SEC14L2: variants seen among roughly 807,000 people sequenced by gnomAD.
SEC14L2 encodes SEC14-like protein 2.
A neutral mutation model predicts 56.9 loss-of-function variants in SEC14L2; 50 were observed. That is an observed-to-expected ratio of 0.88 (90% CI 0.70 to 1.11). SEC14L2 has a LOEUF of 1.11. Ranked by LOEUF, SEC14L2 falls within the 50% of genes most tolerant of loss-of-function variation. SEC14L2 has a pLI of 0.00. For missense variants in SEC14L2, 414 were observed against 500.7 expected, an observed-to-expected ratio of 0.83 and a Z score of 1.65; for synonymous variants, 179 against 188.5, an observed-to-expected ratio of 0.95 and a Z score of 0.41.
intron 8 of SEC14L2, 31 bp from the exon 9 acceptor site, chr22:30,415,728 C>T: frequency 6.3e-7 from 1 of 1,590,324 alleles, no homozygotes; most frequent in Non-Finnish European, 8.6e-7. Flanking sequence ...TGTTGAGATA[C>T]ATCTTTATCC....
intron 8 of SEC14L2, among the ~76,000 whole-genome samples, chr22:30,415,372 G>A (rs565889586): frequency 6.6e-6 from 1 of 152,302 alleles, no homozygotes; most frequent in Admixed American, 6.5e-5. Flanking sequence ...GGCGGAGGTT[G>A]CAGTGATCCA....
At chr22:30,398,823 G>A in intron 1 of SEC14L2, 1 of 469,688 alleles carries the variant, frequency 2.1e-6, no homozygotes, top group South Asian at 1.6e-5. Flanking sequence ...ACCCGGGTTT[G>A]CATCCCAACT....
Position 30,416,029 on chromosome 22 carries a change from T to C in SEC14L2, c.853T>C (p.Ser285Pro). The C allele has an allele frequency of 6.2e-7, 1 of 1,614,230 alleles. No individual in the cohort carries two copies. Among genetic ancestry groups the C allele is most frequent in the Non-Finnish European group, 8.5e-7 (1 of 1,180,044 alleles). Residue 285 changes from serine (S) to proline (P), a missense_variant, in exon 10 of 12, where the codon TCC becomes CCC. By Grantham distance (74) the Ser-to-Pro change is moderately conservative. Coordinates refer to ENST00000615189, the MANE Select transcript of SEC14L2 (RefSeq NM_012429.5). Reference sequence around the variant, plus strand: ...GCAGTATGAACACAGCGTGCAGATTTCCCGTGGCTCCTCCCACCAAGTGGA... The same window carrying C: ...GCAGTATGAACACAGCGTGCAGATTCCCCGTGGCTCCTCCCACCAAGTGGA... ...KQQYEHSVQISRGSSHQVEYE... is the reference protein window; with the variant it reads ...KQQYEHSVQIPRGSSHQVEYE...
chr22:30,407,218 G>T, intron 4 of SEC14L2, 64 bp downstream of exon 4: 1 of 1,568,748 alleles, frequency 6.4e-7, no homozygotes. Context: ...CCTGGGTCCT[G>T]GATCCACTGG....
At chr22:30,414,263 T>C (rs1417708384) in intron 8 of SEC14L2, among the ~76,000 whole-genome samples, 1 of 152,178 alleles carries the variant, frequency 6.6e-6, no homozygotes, top group Non-Finnish European at 1.5e-5. Context: ...ATGATTTTTG[T>C]TTTTTCTGCT....
chr22:30,421,375 C>G (rs966753204), intron 11 of SEC14L2: 2 of 152,230 alleles, frequency 1.3e-5, no homozygotes, highest in Non-Finnish European at 2.9e-5. Context: ...TATGTAGTTA[C>G]AAAAAAGTTA....
chr22:30,412,188 A>C (rs1239028806), intron 8 of SEC14L2, among the ~76,000 whole-genome samples: 1 of 152,114 alleles, frequency 6.6e-6, no homozygotes, highest in Non-Finnish European at 1.5e-5. Context: ...GAGTACCACA[A>C]ATTTTAAACC....
intron 11 of SEC14L2, among the ~76,000 whole-genome samples, chr22:30,417,897 A>C (rs1386655199): frequency 2.0e-5 from 3 of 151,688 alleles, no homozygotes; most frequent in Admixed American, 6.6e-5. Context: ...CCCCCTCCTC[A>C]CAGATGCTCT....
At chr22:30,420,947 T>C (rs972877569) in intron 11 of SEC14L2, 1 of 152,200 alleles carries the variant, frequency 6.6e-6, no homozygotes, top group African/African-American at 2.4e-5. Flanking sequence ...GCATGCCCAT[T>C]TTCTCTTTCC....
At chr22:30,404,015 AAAAAAAAAAAAAAAG>A (rs1343325155) in intron 2 of SEC14L2, among the ~76,000 whole-genome samples, 16 of 133,434 alleles carry the variant, frequency 1.2e-4, no homozygotes, top group Admixed American at 2.3e-4. Context: ...GTCTCAAAAA[AAAAAAAAAAAAAAAG>A]AAAAAAAAAA....
At chr22:30,409,589 G>C in intron 7 of SEC14L2, 103 bp downstream of exon 7, 1 of 1,109,492 alleles carries the variant, frequency 9.0e-7, no homozygotes, top group Non-Finnish European at 1.4e-6. Flanking sequence ...GAGGGGGTCT[G>C]AGGACATGTT....
chr22:30,404,996 G>C (rs973648078), intron 2 of SEC14L2, among the ~76,000 whole-genome samples: 6 of 152,016 alleles, frequency 3.9e-5, no homozygotes, highest in South Asian at 4.2e-4. Context: ...CTTGAACCCG[G>C]GAGGCAGAGG....
chr22:30,409,013 G>C, intron 5 of SEC14L2, 174 bp from the exon 6 acceptor site: 1 of 707,796 alleles, frequency 1.4e-6, no homozygotes, highest in Non-Finnish European at 2.6e-6. Flanking sequence ...AGAGTGACTC[G>C]CCTAGACCAC....
Position 30,397,159 on chromosome 22 carries a change from G to T in SEC14L2, c.43G>T (p.Ala15Ser). Residue 15 changes from alanine (A) to serine (S), a missense_variant, in exon 1 of 12, where the codon GCA (alanine) becomes TCA (serine). Transcript: ENST00000615189. ...CGATCTGAGCCCCAGGCAGAAGGAG[G>T]CATTGGCCAAGGTGAGCTGTAGCCC... is the stretch of plus-strand genomic sequence containing the variant. ...VGDLSPRQKE[A>S]LAKFRENVQD... 1 of 1,544,286 alleles carries T rather than the reference G, an allele frequency of 6.5e-7. No homozygotes were observed. The highest frequency in any genetic ancestry group is 1.2e-5 in the South Asian group (1 of 83,268).
At chr22:30,416,651 G>T in intron 11 of SEC14L2, 1 of 1,434,390 alleles carries the variant, frequency 7.0e-7, no homozygotes, top group Non-Finnish European at 9.1e-7. Flanking sequence ...CACAGTCCTA[G>T]GCGATCACAG....
At chr22:30,401,912 C>A (rs1406810568) in intron 2 of SEC14L2, among the ~76,000 whole-genome samples, 1 of 152,054 alleles carries the variant, frequency 6.6e-6, no homozygotes, top group African/African-American at 2.4e-5. Flanking sequence ...TTTATGGACA[C>A]ATAAAGACAT....
Position 30,416,272 on chromosome 22 carries a change from G to C in SEC14L2, c.950G>C (p.Gly317Ala). ...FMSDGADVGFGIFLKTKMGER... is the reference protein window; with the variant it reads ...FMSDGADVGFAIFLKTKMGER... ...TCAGATGGAGCGGATGTTGGTTTTG[G>C]GATTTTCCTGAAGACCAAGATGGGA... The change falls in exon 11 of 12, where the codon GGG (glycine) becomes GCG (alanine). Residue 317 changes from glycine to alanine, a missense_variant. Gly to Ala is a moderately conservative substitution (Grantham distance 60, BLOSUM62 0). Coordinates refer to ENST00000615189, the MANE Select transcript of SEC14L2 (RefSeq NM_012429.5). 1 of 1,614,240 alleles carries C rather than the reference G, an allele frequency of 6.2e-7. No individual in the cohort carries two copies. The highest frequency in any genetic ancestry group is 8.5e-7 in the Non-Finnish European group (1 of 1,180,042).
At chr22:30,398,068 A>G (rs371528930) in intron 1 of SEC14L2, among the ~76,000 whole-genome samples, 2,134 of 152,158 alleles carry the variant, frequency 0.014, 54 homozygotes, top group African/African-American at 0.049. Flanking sequence ...CATGGCTGGG[A>G]AAGGTGGGGC....
At chr22:30,412,342 G>C (rs1319328456) in intron 8 of SEC14L2, among the ~76,000 whole-genome samples, 1 of 151,886 alleles carries the variant, frequency 6.6e-6, no homozygotes, top group Non-Finnish European at 1.5e-5. Flanking sequence ...TGCCTTCCCA[G>C]AGAGGCCAAA....
Sources: gnomAD v4.1 joint callset for allele counts (sites outside exome capture counted in the v4.1 genomes callset) on GRCh38, gnomAD v4.1.1 for gene constraint, MANE v1.5 for transcripts, NCBI Gene and HGNC (gene_info 2026-07-23, HGNC 2026-07-21) for gene names.